Variants in ADGRL3 observed in about 807,000 individuals in gnomAD.
ADGRL3 encodes adhesion G protein-coupled receptor L3, also known as calcium-independent alpha-latrotoxin receptor 3.
In ADGRL3, 62 loss-of-function variants were observed where a neutral mutation model predicts 153.5. The observed-to-expected ratio is 0.40, with a 90% confidence interval of 0.33 to 0.50. The LOEUF (loss-of-function observed/expected upper bound fraction) is 0.50. Ranked by LOEUF, ADGRL3 falls within the 20% of genes least tolerant of loss-of-function variation. ADGRL3 has a pLI of 0.47. For missense variants in ADGRL3, 1,641 were observed against 1,859.4 expected (o/e 0.88, Z 2.16); for synonymous variants, 710 against 672.5 (o/e 1.06, Z -0.86).
intron 21 of ADGRL3, among the ~76,000 whole-genome samples, chr4:62,021,112 G>A (rs1581919483): frequency 6.6e-6 from 1 of 151,992 alleles, no homozygotes; most frequent in East Asian, 1.9e-4. Context: ...ACAGAATCGT[G>A]TATTTTTTCC....
intron 8 of ADGRL3, among the ~76,000 whole-genome samples, chr4:61,761,858 G>T (rs754740135): frequency 6.6e-6 from 1 of 152,070 alleles, no homozygotes; most frequent in African/African-American, 2.4e-5. Flanking sequence ...TTGTGCCCAG[G>T]AGCTGGAGGC....
chr4:61,736,153 C>T (rs954762843), intron 8 of ADGRL3, among the ~76,000 whole-genome samples: 5 of 151,686 alleles, frequency 3.3e-5, no homozygotes, highest in Non-Finnish European at 7.4e-5. Flanking sequence ...AGTCATGTAT[C>T]CCCCTCCATA....
chr4:61,673,421 G>A (rs976207179), intron 5 of ADGRL3, among the ~76,000 whole-genome samples: 10 of 151,650 alleles, frequency 6.6e-5, no homozygotes, highest in Admixed American at 6.6e-5. Flanking sequence ...ATACCAAAAA[G>A]CATGTTTTTA....
chr4:62,059,220 G>A (rs1033524918), intron 25 of ADGRL3, among the ~76,000 whole-genome samples: 2 of 151,992 alleles, frequency 1.3e-5, no homozygotes, highest in Non-Finnish European at 2.9e-5. Context: ...CTTACATTAG[G>A]TGGTTCAAAT....
At chr4:62,003,427 C>CAA (rs2099147293) in intron 21 of ADGRL3, among the ~76,000 whole-genome samples, 2 of 151,858 alleles carry the variant, frequency 1.3e-5, no homozygotes, top group South Asian at 4.2e-4. Flanking sequence ...AGTGTCAAAC[C>CAA]CAGTTGGGTT....
At chr4:61,654,130 T>G (rs2094364927) in intron 5 of ADGRL3, among the ~76,000 whole-genome samples, 2 of 152,238 alleles carry the variant, frequency 1.3e-5, no homozygotes, top group African/African-American at 4.8e-5. Context: ...AACTGCAATT[T>G]TTTTGCTAAA....
intron 5 of ADGRL3, among the ~76,000 whole-genome samples, chr4:61,656,474 A>G (rs1220991670): frequency 6.6e-6 from 1 of 152,136 alleles, no homozygotes; most frequent in African/African-American, 2.4e-5. Flanking sequence ...TGAGACCAAT[A>G]TTCCTTAGTT....
chr4:62,012,718 T>A (rs868033359), intron 21 of ADGRL3, among the ~76,000 whole-genome samples: 3 of 152,194 alleles, frequency 2.0e-5, no homozygotes, highest in African/African-American at 7.2e-5. Context: ...ATTGACTGGA[T>A]AGCAATGATC....
At chr4:61,683,228 T>G (rs2095374350) in intron 6 of ADGRL3, among the ~76,000 whole-genome samples, 1 of 151,310 alleles carries the variant, frequency 6.6e-6, no homozygotes, top group African/African-American at 2.4e-5. Flanking sequence ...TCCTCCAACC[T>G]CAGCCTCCAG....
chr4:62,072,425 C>T lies in ADGRL3; in HGVS notation c.*1517C>T, dbSNP rs1272741516. The T allele has an allele frequency of 1.3e-5, 2 of 152,424 alleles. No homozygotes were observed. Among genetic ancestry groups the T allele is most frequent in the East Asian group, 3.9e-4 (2 of 5,178 alleles). The allele number at this position is 152,424 out of a possible 1,614,324, so 9.4% of individuals were successfully genotyped here. A position where few individuals can be genotyped will look rare whatever the true frequency, so the allele number is the denominator to read the frequency against. On this transcript the variant is annotated 3_prime_UTR_variant, in exon 27 of 27. Coordinates refer to ENST00000683033, the MANE Select transcript of ADGRL3 (RefSeq NM_001387552.1). The stretch of plus-strand genomic sequence containing the variant: ...AACTTGTTTGCCAACCAATAAACAA[C>T]TGATTGAGATTTAGAAGATATTGTA...
At chr4:61,565,088 C>T (rs2098810966) in intron 4 of ADGRL3, among the ~76,000 whole-genome samples, 2 of 152,118 alleles carry the variant, frequency 1.3e-5, no homozygotes, top group Admixed American at 1.3e-4. Flanking sequence ...GTAGTGAGCA[C>T]ATGCCATTGG....
chr4:61,770,296 G>A (rs371793550), intron 8 of ADGRL3, among the ~76,000 whole-genome samples: 4 of 152,236 alleles, frequency 2.6e-5, no homozygotes, highest in East Asian at 3.9e-4. Context: ...TTTGGGAGAT[G>A]GACACTGAAG....
At chr4:61,239,949 T>G (rs920676312) in intron 1 of ADGRL3, among the ~76,000 whole-genome samples, 1 of 152,260 alleles carries the variant, frequency 6.6e-6, no homozygotes, top group Non-Finnish European at 1.5e-5. Context: ...GGCCATTGAT[T>G]ATTTGGCAAT....
intron 5 of ADGRL3, among the ~76,000 whole-genome samples, chr4:61,645,146 T>C (rs1267148511): frequency 2.0e-5 from 3 of 152,072 alleles, no homozygotes. Flanking sequence ...TGGTAGATCT[T>C]CCTCCATGTT....
chr4:61,425,753 C>T (rs1330147905), intron 2 of ADGRL3, among the ~76,000 whole-genome samples: 6 of 152,186 alleles, frequency 3.9e-5, no homozygotes, highest in African/African-American at 1.4e-4. Flanking sequence ...CCCCTATGAA[C>T]AGTCATTCAC....
intron 4 of ADGRL3, among the ~76,000 whole-genome samples, chr4:61,546,286 C>G (rs6841637): frequency 0.22 from 33,055 of 152,162 alleles, 3,754 homozygotes; most frequent in Admixed American, 0.26. Flanking sequence ...CATCTGCAGC[C>G]TCATTTATAT....
At chr4:61,339,028 T>G (rs72634759) in intron 1 of ADGRL3, among the ~76,000 whole-genome samples, 3,013 of 152,252 alleles carry the variant, frequency 0.02, 41 homozygotes, top group Non-Finnish European at 0.031. Context: ...AGTGATAGTG[T>G]GGGGAAGATT....
chr4:61,478,458 T>A (rs2098091476), intron 2 of ADGRL3, among the ~76,000 whole-genome samples: 1 of 152,026 alleles, frequency 6.6e-6, no homozygotes, highest in East Asian at 1.9e-4. Flanking sequence ...GGTTTAATGA[T>A]CTCTAAAATG....
At chr4:61,847,811 TTATATATATATAATATAAAATA>T (rs1561351593) in intron 9 of ADGRL3, among the ~76,000 whole-genome samples, 195 of 9,462 alleles carry the variant, frequency 0.021, 10 homozygotes, top group Non-Finnish European at 0.035. Flanking sequence ...ATAAAATATA[TTATATATATATAATATAAAATA>T]TATATATAAT....
Sources: gnomAD v4.1 joint callset for allele counts (sites outside exome capture counted in the v4.1 genomes callset) on GRCh38, gnomAD v4.1.1 for gene constraint, MANE v1.5 for transcripts, NCBI Gene and HGNC (gene_info 2026-07-23, HGNC 2026-07-21) for gene names.